The following GORASP1 variants were observed in gnomAD, a reference collection of about 807,000 sequenced individuals.
GORASP1 encodes the protein Golgi reassembly-stacking protein 1.
A neutral mutation model predicts 37.7 loss-of-function variants in GORASP1; 31 were observed. The observed-to-expected ratio is 0.82, with a 90% CI of 0.62 to 1.11. The LOEUF is 1.11. Among genes scored for constraint, GORASP1 ranks in the 50% least tolerant of loss-of-function variants. The probability of loss-of-function intolerance (pLI) is 0.00; values close to 1 mark genes in which losing one functional copy is unlikely to be tolerated. For synonymous variants in GORASP1, 204 were observed against 224.8 expected (o/e 0.91, Z 0.83); for missense variants, 476 against 560.7 (o/e 0.85, Z 1.53).
rs773708557 is a variant in GORASP1 at position 39,100,816 on chromosome 3, T to C, written c.497A>G (p.Tyr166Cys). The C allele has an allele frequency of 6.2e-7, 1 of 1,614,162 alleles. No individual in the cohort carries two copies. The highest frequency in any genetic ancestry group is 2.2e-5 in the East Asian group (1 of 44,876). Residue 166 changes from tyrosine to cysteine, a missense_variant, in exon 5 of 9, where the codon TAT becomes TGT. Transcript: ENST00000319283. This position sits in a 1 kb window ranked among gnomAD's most constrained non-coding sequence, Gnocchi z 4.6. ...HEGKPLKLMV[Y>C]NSKSDSCREV... Reference sequence around the variant, plus strand: ...CCGGCAGGAGTCTGACTTGGAGTTATACACCATCAGCTTCAAGGGCTTCCC... The same window carrying C: ...CCGGCAGGAGTCTGACTTGGAGTTACACACCATCAGCTTCAAGGGCTTCCC...
Position 39,100,713 on chromosome 3 carries a change from C to T in GORASP1, c.566+34G>A. The T allele has an allele frequency of 6.2e-7, 1 of 1,609,714 alleles. No individual in the cohort carries two copies. Among genetic ancestry groups the T allele is most frequent in the Non-Finnish European group, 8.5e-7 (1 of 1,178,748 alleles). On this transcript the variant is annotated intron_variant, in intron 5 of 8. Transcript: ENST00000319283. The surrounding 1 kb of genome is among the most constrained non-coding windows in gnomAD (Gnocchi z 4.6). ...ATGCCCAATGGTCAGGCCCCACCCA[C>T]CTGGCCCTGCAGCCCTCCAACCCCA...
intron 1 of GORASP1, among the ~76,000 whole-genome samples, chr3:39,104,602 T>C (rs187713470): frequency 2.0e-5 from 3 of 152,304 alleles, no homozygotes; most frequent in Admixed American, 2.0e-4. Context: ...TCCTGCTACA[T>C]ACCAGCCCCT....
chr3:39,102,239 A>G lies in GORASP1; in HGVS notation c.348+439T>C, dbSNP rs1315922825. Among the ~76,000 whole-genome samples the G allele has an allele frequency of 6.6e-6, 1 of 152,192 alleles. No homozygotes were observed. Among genetic ancestry groups the G allele is most frequent in the African/African-American group, 2.4e-5 (1 of 41,434 alleles). On this transcript the variant is annotated intron_variant, in intron 3 of 8. Coordinates refer to ENST00000319283, the MANE Select transcript of GORASP1 (RefSeq NM_031899.4). The surrounding 1 kb of genome is among the most constrained non-coding windows in gnomAD (Gnocchi z 5.0). ...GTGTCTAAACATTCAGGCATAGAACAGGTACAGTAAAAATATGGTATTATA... is the reference window on the plus strand; with the variant it reads ...GTGTCTAAACATTCAGGCATAGAACGGGTACAGTAAAAATATGGTATTATA...
chr3:39,098,242 T>C lies in GORASP1; in HGVS notation c.1317A>G (p.Thr439=). 6.2e-7 allele frequency: 1 copy of C among 1,613,976 alleles called. No homozygotes were observed. The change falls in exon 9 of 9, where the codon ACA becomes ACG. Residue 439 remains threonine, a synonymous_variant. Transcript: ENST00000319283. This position sits in a 1 kb window ranked among gnomAD's most constrained non-coding sequence, Gnocchi z 4.7. The part of the protein sequence containing the change: ...GLDSQAQIST[T]E ...CTTGTCACAGCCCAGGGTGTTATTC[T>C]GTGGTAGAGATCTGGGCCTGGCTGT...
At position 39,100,804 on chromosome 3, in the gene GORASP1, G is replaced by A. The variant is rs1043330415; in HGVS notation, c.509C>T (p.Ser170Leu). 1 of 1,614,136 alleles carries A rather than the reference G, an allele frequency of 6.2e-7. No homozygotes were observed. Among genetic ancestry groups the A allele is most frequent in the African/African-American group, 1.3e-5 (1 of 75,038 alleles). The change falls in exon 5 of 9, where the codon TCA (serine) becomes TTA (leucine). Residue 170 changes from serine to leucine, a missense_variant. Transcript: ENST00000319283. This position sits in a 1 kb window ranked among gnomAD's most constrained non-coding sequence, Gnocchi z 4.6. ...TACAGTCACCTCCCGGCAGGAGTCT[G>A]ACTTGGAGTTATACACCATCAGCTT... The part of the protein sequence containing the change: ...PLKLMVYNSK[S>L]DSCREVTVTP...
chr3:39,099,422 C>T lies in GORASP1; in HGVS notation c.847G>A (p.Asp283Asn). 2 of 1,612,818 alleles carry T rather than the reference C, an allele frequency of 1.2e-6. No individual in the cohort carries two copies. The highest frequency in any genetic ancestry group is 1.7e-6 in the Non-Finnish European group (2 of 1,179,526). The change falls in exon 7 of 9, where the codon GAT (aspartate) becomes AAT (asparagine). Residue 283 changes from aspartate to asparagine, a missense_variant. Coordinates refer to ENST00000319283, the MANE Select transcript of GORASP1 (RefSeq NM_031899.4). ...GSPSHSAPDP[D>N]GLPHFMETPL... ...GTCTCCATGAAATGGGGAAGTCCATCAGGGTCTGGAGCACTGTGGCTGGGA... is the reference window on the plus strand; with the variant it reads ...GTCTCCATGAAATGGGGAAGTCCATTAGGGTCTGGAGCACTGTGGCTGGGA...
chr3:39,098,260 C>G lies in GORASP1; in HGVS notation c.1299G>C (p.Gln433His). ...TGTEAEGLDSQAQISTTE is the reference protein window; with the variant it reads ...TGTEAEGLDSHAQISTTE ...GTTATTCTGTGGTAGAGATCTGGGC[C>G]TGGCTGTCCAGCCCCTCAGCCTCCG... The change falls in exon 9 of 9, where the codon CAG (glutamine) becomes CAC (histidine). Residue 433 changes from glutamine (Q) to histidine (H), a missense_variant. Gln to His is a conservative substitution (Grantham distance 24). Coordinates refer to ENST00000319283, the MANE Select transcript of GORASP1 (RefSeq NM_031899.4). This position sits in a 1 kb window ranked among gnomAD's most constrained non-coding sequence, Gnocchi z 4.7. 1 of 1,614,170 alleles carries G rather than the reference C, an allele frequency of 6.2e-7. No homozygotes were observed. Among genetic ancestry groups the G allele is most frequent in the East Asian group, 2.2e-5 (1 of 44,866 alleles).
intron 1 of GORASP1, among the ~76,000 whole-genome samples, chr3:39,104,963 A>T (rs2035953415): frequency 6.6e-6 from 1 of 152,112 alleles, no homozygotes; most frequent in African/African-American, 2.4e-5. Flanking sequence ...GCCCCTCCCT[A>T]ATCAGGGCCA....
Position 39,098,354 on chromosome 3 carries a change from A to C in GORASP1, c.1205T>G (p.Leu402Arg), listed in dbSNP as rs1322587428. ...LTSAASPEDG[L>R]SAELLEAQAE... is the part of the protein sequence containing the mutation. ...CTGAGCTTCAAGCAGCTCGGCGGACAGCCCATCTTCTGGTGAGGCTGCAGA... is the reference window on the plus strand; with the variant it reads ...CTGAGCTTCAAGCAGCTCGGCGGACCGCCCATCTTCTGGTGAGGCTGCAGA... The change falls in exon 9 of 9, where the codon CTG becomes CGG. Residue 402 changes from leucine (L) to arginine (R), a missense_variant. By Grantham distance (102) the Leu-to-Arg change is moderately radical (BLOSUM62 -2). Transcript: ENST00000319283. This position sits in a 1 kb window ranked among gnomAD's most constrained non-coding sequence, Gnocchi z 4.7. The C allele has an allele frequency of 1.2e-6, 2 of 1,614,172 alleles. No individual in the cohort carries two copies. Among genetic ancestry groups the C allele is most frequent in the Non-Finnish European group, 1.7e-6 (2 of 1,180,026 alleles).
chr3:39,104,400 G>C (rs1239792547), intron 1 of GORASP1, among the ~76,000 whole-genome samples: 1 of 152,114 alleles, frequency 6.6e-6, no homozygotes, highest in African/African-American at 2.4e-5. Flanking sequence ...CATCCCAAAA[G>C]CCCCATATAC....
At chr3:39,101,240 C>G in intron 3 of GORASP1, 138 bp from the exon 4 acceptor site, 2 of 741,198 alleles carry the variant, frequency 2.7e-6, no homozygotes, top group Middle Eastern at 3.4e-4. Flanking sequence ...CAAGCCCATA[C>G]TCCCTCATTT....
chr3:39,102,797 T>TGGA lies in GORASP1; in HGVS notation c.228_229insTCC (p.Thr76_Met77insSer). On this transcript the variant is annotated inframe_insertion, in exon 3 of 9. Coordinates refer to ENST00000319283, the MANE Select transcript of GORASP1 (RefSeq NM_031899.4). This position sits in a 1 kb window ranked among gnomAD's most constrained non-coding sequence, Gnocchi z 5.0. ...ACCACCTCCACCTCGCGCACCCTCA[T>TGGA]GGTCTTCATATTGAACACCTCCAGC... is the stretch of plus-strand genomic sequence containing the variant. 1.2e-6 allele frequency: 2 copies of TGGA among 1,614,184 alleles called. No individual in the cohort carries two copies. Among genetic ancestry groups the TGGA allele is most frequent in the Non-Finnish European group, 1.7e-6 (2 of 1,180,028 alleles).
chr3:39,106,097 C>A (rs2036043341), intron 1 of GORASP1, among the ~76,000 whole-genome samples: 1 of 152,166 alleles, frequency 6.6e-6, no homozygotes, highest in Non-Finnish European at 1.5e-5. Flanking sequence ...GTAATTACCA[C>A]CTACCATGTA....
rs974784562 is a variant in GORASP1, at chr3:39,100,615, T to G, written c.567-112A>C. On this transcript the variant is annotated intron_variant, in intron 5 of 8. Transcript: ENST00000319283. This position sits in a 1 kb window ranked among gnomAD's most constrained non-coding sequence, Gnocchi z 4.6. ...GGGGCTGAAAAGGGTACTTCTGAAA[T>G]ACCGGTCAGCCTCAGGATCCCTGGG... 1 of 1,477,592 alleles carries G rather than the reference T, an allele frequency of 6.8e-7. No homozygotes were observed. The highest frequency in any genetic ancestry group is 1.4e-5 in the African/African-American group (1 of 70,938). 91.5% of individuals were successfully genotyped at this position (1,477,592 alleles called of 1,614,324 possible).
At position 39,105,710 on chromosome 3, in the gene GORASP1, A is replaced by G. The variant is rs2035997601; in HGVS notation, c.63+1769T>C. ...CAGTGTTGTTAAAGGTAAGTAGGTC[A>G]TGTCACTCCTCCATTTAAAACCTCC... On this transcript the variant is annotated intron_variant, in intron 1 of 8. Transcript: ENST00000319283. This position sits in a 1 kb window ranked among gnomAD's most constrained non-coding sequence, Gnocchi z 5.4. Among the ~76,000 whole-genome samples the G allele has an allele frequency of 6.6e-6, 1 of 152,212 alleles. No individual in the cohort carries two copies. Among genetic ancestry groups the G allele is most frequent in the Non-Finnish European group, 1.5e-5 (1 of 68,046 alleles).
Position 39,100,292 on chromosome 3 carries a change from T to C in GORASP1, c.765+13A>G. The C allele has an allele frequency of 6.2e-7, 1 of 1,612,860 alleles. No individual in the cohort carries two copies. Among genetic ancestry groups the C allele is most frequent in the Non-Finnish European group, 8.5e-7 (1 of 1,178,940 alleles). ...TTTTCTGTCTTCCCAGTTGGCAGATTCTCCCCACATACCTCCATGTAGTCA... is the reference window on the plus strand; with the variant it reads ...TTTTCTGTCTTCCCAGTTGGCAGATCCTCCCCACATACCTCCATGTAGTCA... On this transcript the variant is annotated intron_variant, in intron 6 of 8. Transcript: ENST00000319283. The surrounding 1 kb of genome is among the most constrained non-coding windows in gnomAD (Gnocchi z 4.6).
chr3:39,101,298 G>A, intron 3 of GORASP1, 196 bp from the exon 4 acceptor site: 1 of 628,838 alleles, frequency 1.6e-6, no homozygotes. Context: ...CTGTCCAGCA[G>A]AGGGCAGTAC....
At chr3:39,104,378 G>A (rs939286804) in intron 1 of GORASP1, among the ~76,000 whole-genome samples, 1 of 152,190 alleles carries the variant, frequency 6.6e-6, no homozygotes, top group Non-Finnish European at 1.5e-5. Flanking sequence ...TTTGCAGGCT[G>A]TGGCAGAAAT....
rs1252316286 is a variant in GORASP1 at position 39,102,184 on chromosome 3, T to C, written c.348+494A>G. On this transcript the variant is annotated intron_variant, in intron 3 of 8. Transcript: ENST00000319283. This position sits in a 1 kb window ranked among gnomAD's most constrained non-coding sequence, Gnocchi z 5.0. ...CAGCATGTTACTATACTGAGTACTG[T>C]AGGCAACTGTAACACAATTAAGTAT... Among the ~76,000 whole-genome samples, 1 of 152,180 alleles carries C rather than the reference T, an allele frequency of 6.6e-6. No homozygotes were observed. Among genetic ancestry groups the C allele is most frequent in the African/African-American group, 2.4e-5 (1 of 41,436 alleles).
Sources: allele counts gnomAD v4.1 joint callset (sites outside exome capture counted in the v4.1 genomes callset), GRCh38; gene constraint gnomAD v4.1.1; non-coding constraint Gnocchi (gnomAD v3.1); transcripts MANE v1.5; gene names NCBI Gene and HGNC (gene_info 2026-07-23, HGNC 2026-07-21).